The following DIPK1B variants were observed in gnomAD, a reference collection of about 807,000 sequenced individuals.
The protein encoded by DIPK1B is divergent protein kinase domain 1B.
In DIPK1B, 17 loss-of-function variants were observed where a neutral mutation model predicts 20.7. The observed-to-expected ratio is 0.82, with a 90% CI of 0.56 to 1.23. DIPK1B has a LOEUF of 1.23. Among genes scored for constraint, DIPK1B ranks in the 50% most tolerant of loss-of-function variants. DIPK1B has a pLI of 0.00. For missense variants in DIPK1B, 648 were observed against 601.8 expected, an observed-to-expected ratio of 1.08 and a Z score of -0.80; for synonymous variants, 343 against 276.5, an observed-to-expected ratio of 1.24 and a Z score of -2.39.
chr9:136,714,867 G>A (rs1329004600), intron 1 of DIPK1B, among the ~76,000 whole-genome samples: 2 of 152,234 alleles, frequency 1.3e-5, no homozygotes, highest in Admixed American at 6.5e-5. Flanking sequence ...GTGAGTGGAT[G>A]CCGGGGAAGC....
chr9:136,719,857 ACAGGGGCTGGTCTGGGGCTCCGGGCG>A (rs1392931391), intron 2 of DIPK1B, among the ~76,000 whole-genome samples: 13 of 151,044 alleles, frequency 8.6e-5, no homozygotes, highest in South Asian at 4.2e-4. Context: ...GGCTCCGGGC[ACAGGGGCTGGTCTGGGGCTCCGGGCG>A]CAGGGGCTGT....
At chr9:136,716,795 C>T (rs1365670750) in intron 1 of DIPK1B, among the ~76,000 whole-genome samples, 1 of 152,070 alleles carries the variant, frequency 6.6e-6, no homozygotes, top group Non-Finnish European at 1.5e-5. Context: ...CTGGTCCGGC[C>T]GGAACTTCCC....
chr9:136,713,390 C>T (rs1846453146), intron 1 of DIPK1B, among the ~76,000 whole-genome samples: 1 of 152,240 alleles, frequency 6.6e-6, no homozygotes, highest in South Asian at 2.1e-4. Context: ...GGCGCCAGTC[C>T]TGGTCAGATT....
chr9:136,718,906 T>G (rs1279441885), intron 2 of DIPK1B, among the ~76,000 whole-genome samples: 2 of 152,132 alleles, frequency 1.3e-5, no homozygotes, highest in Admixed American at 6.5e-5. Context: ...TAGGAGAGCT[T>G]CTGTGCCCAG....
At chr9:136,719,820 G>A (rs1846565411) in intron 2 of DIPK1B, among the ~76,000 whole-genome samples, 1 of 152,242 alleles carries the variant, frequency 6.6e-6, no homozygotes, top group Non-Finnish European at 1.5e-5. Context: ...TGTGTGCCAG[G>A]AGCAGGGCAG....
chr9:136,721,885 C>T (rs963104014), intron 2 of DIPK1B, 36 bp from the exon 3 acceptor site: 3 of 1,594,296 alleles, frequency 1.9e-6, no homozygotes, highest in Non-Finnish European at 2.6e-6. Flanking sequence ...AGGGGTGTGG[C>T]TGCCCCGCCC....
intron 2 of DIPK1B, among the ~76,000 whole-genome samples, chr9:136,718,790 G>A (rs752356862): frequency 1.6e-4 from 25 of 152,234 alleles, no homozygotes; most frequent in Non-Finnish European, 2.6e-4. Flanking sequence ...GAAGCTAGCC[G>A]GGTGGGCCTG....
chr9:136,724,313 A>G lies in DIPK1B; in HGVS notation c.*539A>G, dbSNP rs1588287845. On this transcript the variant is annotated 3_prime_UTR_variant, in exon 5 of 5. Transcript: ENST00000371692. ...TACCCCCCAAACCTGGGCTGTGCAC[A>G]ACAGACCAAGAAAAAGGTGTTCCAG... 5.3e-5 allele frequency among the ~76,000 whole-genome samples: 8 copies of G among 152,370 alleles called. No homozygotes were observed. The South Asian group carries it at 1.7e-3, about 32-fold the overall frequency.
chr9:136,721,757 CACCAA>C, intron 2 of DIPK1B, 159 bp from the exon 3 acceptor site: 1 of 636,658 alleles, frequency 1.6e-6, no homozygotes, highest in Non-Finnish European at 2.7e-6. Context: ...ATCCTGCAGC[CACCAA>C]TGGCATGACC....
Position 136,723,528 on chromosome 9 carries a change from T to C in DIPK1B, c.1050T>C (p.Cys350=). Residue 350 remains cysteine, a synonymous_variant, in exon 5 of 5, where the codon TGT becomes TGC. Coordinates refer to ENST00000371692, the MANE Select transcript of DIPK1B (RefSeq NM_152421.4). The part of the protein sequence containing the change: ...CTYGRDCRAP[C]DRLMRQCKGD... Reference sequence around the variant, plus strand: ...ACGGGCGCGACTGCAGGGCCCCGTGTGACAGGCTCATGAGGCAGTGCAAGG... The same window carrying C: ...ACGGGCGCGACTGCAGGGCCCCGTGCGACAGGCTCATGAGGCAGTGCAAGG... The C allele has an allele frequency of 6.2e-7, 1 of 1,600,734 alleles. No homozygotes were observed. Among genetic ancestry groups the C allele is most frequent in the Non-Finnish European group, 8.5e-7 (1 of 1,174,000 alleles).
At chr9:136,721,742 G>A (rs1404941655) in intron 2 of DIPK1B, 179 bp from the exon 3 acceptor site, 1 of 610,274 alleles carries the variant, frequency 1.6e-6, no homozygotes, top group Admixed American at 2.9e-5. Context: ...GCAGCCGACA[G>A]CCCCATCCTG....
intron 2 of DIPK1B, chr9:136,720,778 G>A (rs908782671): frequency 2.0e-5 from 3 of 152,322 alleles, no homozygotes; most frequent in Non-Finnish European, 4.4e-5. Flanking sequence ...GGCTGGGAGA[G>A]GAGGTAGAGG....
chr9:136,717,597 G>C lies in DIPK1B; in HGVS notation c.84G>C (p.Arg28Ser), dbSNP rs749000403. The stretch of plus-strand genomic sequence containing the variant: ...CACAGGGCCGGCTCCCAGGCCTCAG[G>C]GTCCGCTGCATCTTCCTGGCCTGGC... ...KRLQGRLPGL[R>S]VRCIFLAWLG... The change falls in exon 2 of 5, where the codon AGG becomes AGC. Residue 28 changes from arginine (R) to serine (S), a missense_variant. Transcript: ENST00000371692. 6.2e-7 allele frequency: 1 copy of C among 1,600,772 alleles called. No homozygotes were observed. The highest frequency in any genetic ancestry group is 8.5e-7 in the Non-Finnish European group (1 of 1,179,818).
chr9:136,724,185 T>A lies in DIPK1B; in HGVS notation c.*411T>A. ...GCAGCCCTCAGGTGTTAGTCCAAGG[T>A]GAGGTCTATTGCAGAGCTGCCTGCC... is the stretch of plus-strand genomic sequence containing the variant. On this transcript the variant is annotated 3_prime_UTR_variant, in exon 5 of 5. Coordinates refer to ENST00000371692, the MANE Select transcript of DIPK1B (RefSeq NM_152421.4). 1 of 238,406 alleles carries A rather than the reference T, an allele frequency of 4.2e-6. No homozygotes were observed. Among genetic ancestry groups the A allele is most frequent in the Non-Finnish European group, 8.4e-6 (1 of 119,232 alleles). 14.8% of individuals were successfully genotyped at this position (238,406 alleles called of 1,614,324 possible).
At position 136,712,611 on chromosome 9, in the gene DIPK1B, C is replaced by T. The variant is rs1288067674; in HGVS notation, c.-55C>T. On this transcript the variant is annotated 5_prime_UTR_variant, in exon 1 of 5. Coordinates refer to ENST00000371692, the MANE Select transcript of DIPK1B (RefSeq NM_152421.4). The surrounding 1 kb of genome is among the most constrained non-coding windows in gnomAD (Gnocchi z 5.6). The stretch of plus-strand genomic sequence containing the variant: ...GCGGCCGCTGCGGGCCGGGCCGGGC[C>T]GGGGCTGAGGCCGAGCGAGCCGCGG... 2 of 875,978 alleles carry T rather than the reference C, an allele frequency of 2.3e-6. No individual in the cohort carries two copies. Among genetic ancestry groups the T allele is most frequent in the African/African-American group, 1.8e-5 (1 of 54,612 alleles). 54.3% of individuals were successfully genotyped at this position (875,978 alleles called of 1,614,324 possible). A position where few individuals can be genotyped will look rare whatever the true frequency, so the allele number is the denominator to read the frequency against.
chr9:136,718,933 A>G (rs2131043392), intron 2 of DIPK1B, among the ~76,000 whole-genome samples: 1 of 152,246 alleles, frequency 6.6e-6, no homozygotes, highest in East Asian at 1.9e-4. Context: ...TTTGGAGCCC[A>G]TGCCAGCCCA....
chr9:136,722,950 C>CCCAAACG lies in DIPK1B; in HGVS notation c.484-8_484-2dup, dbSNP rs1377623963. ...CAGCTGGCTTTTCCTTTCTTTTGGT[C>CCCAAACG]CCAAACGCCAGGCGAACCTGGGAGA... On this transcript the variant is annotated splice_polypyrimidine_tract_variant and intron_variant, in intron 4 of 4. Transcript: ENST00000371692. 3.1e-6 allele frequency: 5 copies of CCCAAACG among 1,594,342 alleles called. No individual in the cohort carries two copies. The highest frequency in any genetic ancestry group is 4.3e-6 in the Non-Finnish European group (5 of 1,168,578).
At chr9:136,714,379 G>A (rs1016724888) in intron 1 of DIPK1B, among the ~76,000 whole-genome samples, 13 of 152,214 alleles carry the variant, frequency 8.5e-5, no homozygotes, top group South Asian at 6.2e-4. Context: ...CTGGCCAGGC[G>A]GAAATAGGCC....
Position 136,723,737 on chromosome 9 carries a change from T to G in DIPK1B, c.1259T>G (p.Leu420Arg). ...CTGGTGCTCAGCCACCTCAAGACTC[T>G]GCTCTGGAAGAAGATCTCCAACACC... is the stretch of plus-strand genomic sequence containing the variant. ...HSLVLSHLKT[L>R]LWKKISNTKY... The change falls in exon 5 of 5, where the codon CTG (leucine) becomes CGG (arginine). Residue 420 changes from leucine (L) to arginine (R), a missense_variant. By Grantham distance (102) the Leu-to-Arg change is moderately radical (BLOSUM62 -2). Transcript: ENST00000371692. The G allele has an allele frequency of 6.5e-7, 1 of 1,535,362 alleles. No individual in the cohort carries two copies. Among genetic ancestry groups the G allele is most frequent in the Non-Finnish European group, 8.7e-7 (1 of 1,146,900 alleles).
Sources: gnomAD v4.1 joint callset for allele counts (sites outside exome capture counted in the v4.1 genomes callset) on GRCh38, gnomAD v4.1.1 for gene constraint, Gnocchi (gnomAD v3.1) non-coding constraint, MANE v1.5 for transcripts, NCBI Gene and HGNC (gene_info 2026-07-23, HGNC 2026-07-21) for gene names.